The following TMEM161B variants were observed in gnomAD, a reference collection of about 807,000 sequenced individuals.
TMEM161B encodes the protein transmembrane protein 161B.
In TMEM161B, 34 loss-of-function variants were observed where a neutral mutation model predicts 61.8. The observed-to-expected ratio is 0.55, with a 90% CI of 0.42 to 0.73. TMEM161B has a LOEUF of 0.73. TMEM161B is among the 30% of genes least tolerant of loss of function. The pLI is 0.00. For synonymous variants in TMEM161B, 167 were observed against 192.8 expected (o/e 0.87, Z 1.11); for missense variants, 456 against 558.5 (o/e 0.82, Z 1.85).
chr5:88,232,842 G>A (rs918130737), intron 2 of TMEM161B, among the ~76,000 whole-genome samples: 1 of 152,170 alleles, frequency 6.6e-6, no homozygotes, highest in Non-Finnish European at 1.5e-5. Flanking sequence ...CCAAAGTGCT[G>A]CGATTACAGG....
chr5:88,193,717 T>C (rs370180732), downstream of TMEM161B, among the ~76,000 whole-genome samples: 19 of 152,302 alleles, frequency 1.2e-4, no homozygotes, highest in South Asian at 2.5e-3. Context: ...AATAATAACT[T>C]CAATTTTACT....
chr5:88,199,327 A>C (rs1018871772), intron 9 of TMEM161B, 177 bp from the exon 10 acceptor site: 3 of 492,284 alleles, frequency 6.1e-6, no homozygotes, highest in Non-Finnish European at 1.0e-5. Context: ...CTTGAATAAC[A>C]GAACTAGATA....
downstream of TMEM161B, among the ~76,000 whole-genome samples, chr5:88,190,887 T>A (rs1403007197): frequency 6.6e-6 from 1 of 152,246 alleles, no homozygotes; most frequent in East Asian, 1.9e-4. Flanking sequence ...TCTTAGAGAT[T>A]ACAGTGTACA....
intron 11 of TMEM161B, among the ~76,000 whole-genome samples, chr5:88,196,837 G>T (rs921476892): frequency 1.3e-5 from 2 of 152,088 alleles, no homozygotes; most frequent in East Asian, 1.9e-4. Context: ...TAACTTCTGA[G>T]AAATCTTTTC....
intron 5 of TMEM161B, among the ~76,000 whole-genome samples, chr5:88,212,810 G>A (rs1747078877): frequency 6.6e-6 from 1 of 152,230 alleles, no homozygotes; most frequent in Non-Finnish European, 1.5e-5. Context: ...CTGGGCGATG[G>A]AGCGAGATTA....
chr5:88,223,626 G>T (rs1749422586), intron 4 of TMEM161B, among the ~76,000 whole-genome samples: 1 of 152,178 alleles, frequency 6.6e-6, no homozygotes, highest in South Asian at 2.1e-4. Context: ...AGTGGCTCAT[G>T]CCTGTAATCT....
chr5:88,208,280 G>C (rs1310381203), intron 5 of TMEM161B, among the ~76,000 whole-genome samples: 1 of 151,408 alleles, frequency 6.6e-6, no homozygotes, highest in African/African-American at 2.4e-5. Flanking sequence ...TCAGGAGATC[G>C]AGACCATGCT....
chr5:88,218,949 A>T (rs902668730), intron 5 of TMEM161B, among the ~76,000 whole-genome samples: 1 of 130,718 alleles, frequency 7.7e-6, no homozygotes, highest in African/African-American at 2.5e-5. Context: ...GGAGGCAGAC[A>T]TAGAATATCT....
At chr5:88,213,588 A>C (rs970745394) in intron 5 of TMEM161B, among the ~76,000 whole-genome samples, 1 of 152,116 alleles carries the variant, frequency 6.6e-6, no homozygotes, top group Non-Finnish European at 1.5e-5. Context: ...TTTTCAGAAA[A>C]ATTTTTATTT....
intron 2 of TMEM161B, among the ~76,000 whole-genome samples, chr5:88,236,843 C>T (rs904946886): frequency 6.6e-6 from 1 of 151,992 alleles, no homozygotes; most frequent in African/African-American, 2.4e-5. Flanking sequence ...TTCTAAAAGA[C>T]GAAGTATGGC....
chr5:88,265,003 T>A (rs1756190254), intron 1 of TMEM161B, among the ~76,000 whole-genome samples: 1 of 152,032 alleles, frequency 6.6e-6, no homozygotes, highest in Non-Finnish European at 1.5e-5. Flanking sequence ...AAAACATAGA[T>A]GATGGGTTGA....
intron 9 of TMEM161B, chr5:88,201,556 T>C (rs1048208756): frequency 3.9e-5 from 6 of 152,122 alleles, no homozygotes; most frequent in Non-Finnish European, 8.8e-5. Flanking sequence ...GTTTTATAAA[T>C]GCTAGTTTCC....
downstream of TMEM161B, among the ~76,000 whole-genome samples, chr5:88,187,498 C>G (rs1405172919): frequency 5.3e-5 from 8 of 152,146 alleles, no homozygotes; most frequent in Non-Finnish European, 8.8e-5. Context: ...TTTAATTTCT[C>G]TTAACATTTT....
intron 1 of TMEM161B, among the ~76,000 whole-genome samples, chr5:88,250,193 A>AAGAGAG (rs375218954): frequency 6.7e-6 from 1 of 148,454 alleles, no homozygotes; most frequent in African/African-American, 2.5e-5. Flanking sequence ...AAGAGAGAGA[A>AAGAGAG]AGAGAGAGAG....
intron 8 of TMEM161B, 91 bp downstream of exon 8, chr5:88,205,723 A>C: frequency 7.0e-7 from 1 of 1,424,766 alleles, no homozygotes; most frequent in Non-Finnish European, 9.5e-7. Context: ...TTTTCAATAC[A>C]ATAATTTATG....
rs1441754713 is a variant in TMEM161B, at chr5:88,203,029, G to A, written c.847C>T (p.Leu283Phe). 1.2e-6 allele frequency: 2 copies of A among 1,611,172 alleles called. No individual in the cohort carries two copies. Among genetic ancestry groups the A allele is most frequent in the Non-Finnish European group, 1.7e-6 (2 of 1,177,906 alleles). Reference protein sequence around the residue: ...NFLAPLFMVLLWVKPITKDYI... With the variant: ...NFLAPLFMVLFWVKPITKDYI... ...TCTTTGGTGATTGGTTTTACCCAGA[G>A]CAGAACCATAAATAAAGGTGCCAAG... Residue 283 changes from leucine (L) to phenylalanine (F), a missense_variant, in exon 9 of 12, where the codon CTC becomes TTC. Around this residue, in one of 3 missense-constraint regions of TMEM161B, gnomAD observed 367 missense variants for 427.3 expected, o/e 0.86. Transcript: ENST00000296595.
At chr5:88,205,147 T>C (rs2112404764) in intron 8 of TMEM161B, among the ~76,000 whole-genome samples, 1 of 152,190 alleles carries the variant, frequency 6.6e-6, no homozygotes, top group South Asian at 2.1e-4. Flanking sequence ...CAAAAAAAAA[T>C]CTGTGACAAG....
intron 8 of TMEM161B, among the ~76,000 whole-genome samples, chr5:88,205,327 A>C (rs953036437): frequency 2.6e-5 from 4 of 152,194 alleles, no homozygotes; most frequent in African/African-American, 9.6e-5. Context: ...TATTTTAATA[A>C]GAGTCTAATA....
At chr5:88,228,147 T>C (rs1005952746) in intron 3 of TMEM161B, among the ~76,000 whole-genome samples, 2 of 152,144 alleles carry the variant, frequency 1.3e-5, no homozygotes, top group Admixed American at 1.3e-4. Context: ...CGTCTTTAAT[T>C]AGTTGTAGGA....
Sources: allele counts gnomAD v4.1 joint callset (sites outside exome capture counted in the v4.1 genomes callset), GRCh38; gene constraint gnomAD v4.1.1; regional missense constraint gnomAD v4.1.1; transcripts MANE v1.5; gene names NCBI Gene and HGNC (gene_info 2026-07-23, HGNC 2026-07-21).